Variants in KCNC4 observed in about 807,000 individuals in gnomAD.
KCNC4 encodes potassium voltage-gated channel subfamily C member 4.
Under a neutral mutation model 42.8 loss-of-function variants are expected in KCNC4, and 23 were observed. The ratio of observed to expected loss-of-function variants is 0.54; its 90% CI spans 0.39 to 0.76. KCNC4 has a LOEUF of 0.76. Among genes scored for constraint, KCNC4 ranks in the 30% least tolerant of loss-of-function variants. The probability of loss-of-function intolerance (pLI) is 0.00; values close to 1 mark genes in which losing one functional copy is unlikely to be tolerated. For synonymous variants in KCNC4, 422 were observed against 393.5 expected (o/e 1.07, Z -0.86); for missense variants, 751 against 898.2 (o/e 0.84, Z 2.10).
rs533914924 is a variant in KCNC4, at chr1:110,259,743, C to T, written n.31-22791C>T. Among the ~76,000 whole-genome samples the T allele has an allele frequency of 5.9e-5, 9 of 152,336 alleles. No homozygotes were observed. In the South Asian group the frequency reaches 1.9e-3, roughly 32 times the overall value. On this transcript the variant is annotated intron_variant and non_coding_transcript_variant, in intron 1 of 2. Coordinates refer to the KCNC4 transcript ENST00000412512. ...CTGAGGTTCTTCTTGACTTTCTTGA[C>T]AACATCTCTGGACTATCTACTTCCT...
At chr1:110,213,678 C>T (rs1657628492) in intron 1 of KCNC4, among the ~76,000 whole-genome samples, 1 of 152,234 alleles carries the variant, frequency 6.6e-6, no homozygotes, top group African/African-American at 2.4e-5. Flanking sequence ...GGTTTCTTTC[C>T]TTGCAGCCCT....
chr1:110,269,351 C>G (rs908732832), intron 1 of KCNC4, among the ~76,000 whole-genome samples: 2 of 152,200 alleles, frequency 1.3e-5, no homozygotes, highest in African/African-American at 4.8e-5. Context: ...GCCAGCTTCT[C>G]ACAACCACCA....
intron 1 of KCNC4, among the ~76,000 whole-genome samples, chr1:110,256,552 A>G (rs1436110157): frequency 2.0e-5 from 3 of 152,218 alleles, no homozygotes; most frequent in Non-Finnish European, 4.4e-5. Context: ...CAGGCAGTGG[A>G]TCAGCTAACA....
chr1:110,228,187 A>C (rs1658504475), intron 3 of KCNC4, among the ~76,000 whole-genome samples: 1 of 152,192 alleles, frequency 6.6e-6, no homozygotes, highest in Non-Finnish European at 1.5e-5. Context: ...CCTCCTCCAC[A>C]CAGGCCCATG....
At position 110,232,940 on chromosome 1, in the gene KCNC4, T is replaced by C; in HGVS notation, c.1849T>C (p.Tyr617His). ...CTGCCAAGACGCCCTCTCGTCCAACTATGCCCAGGCTGAAGTCCTCACCCT... is the reference window on the plus strand; with the variant it reads ...CTGCCAAGACGCCCTCTCGTCCAACCATGCCCAGGCTGAAGTCCTCACCCT... ...ETCQDALSSN[Y>H]AQAEVLTLS The change falls in exon 4 of 4, where the codon TAT becomes CAT. Residue 617 changes from tyrosine (Y) to histidine (H), a missense_variant. By Grantham distance (83) the Tyr-to-His change is moderately conservative (BLOSUM62 2). This residue lies in a region of KCNC4 where 202 missense variants were observed against 181.5 expected (regional missense o/e 1.11). Transcript: ENST00000438661. 1 of 1,612,144 alleles carries C rather than the reference T, an allele frequency of 6.2e-7. No individual in the cohort carries two copies. Among genetic ancestry groups the C allele is most frequent in the Admixed American group, 1.7e-5 (1 of 59,856 alleles).
chr1:110,237,647 G>A (rs139397434), downstream of KCNC4: 1 of 152,202 alleles, frequency 6.6e-6, no homozygotes, highest in African/African-American at 2.4e-5. Context: ...TCTGACTCAC[G>A]TGGCACACAC....
At chr1:110,245,060 G>A (rs534297825) in exon 4 of KCNC4, 69 of 152,296 alleles carry the variant, frequency 4.5e-4, no homozygotes, top group African/African-American at 1.5e-3. Flanking sequence ...CAATTCACTA[G>A]AGAACCTTTG....
At chr1:110,250,079 G>A (rs1659223552), downstream of KCNC4, among the ~76,000 whole-genome samples, 1 of 152,174 alleles carries the variant, frequency 6.6e-6, no homozygotes, top group Non-Finnish European at 1.5e-5. Context: ...ACAGGAATGG[G>A]TCATCACTCC....
intron 3 of KCNC4, among the ~76,000 whole-genome samples, chr1:110,229,992 G>C (rs2101036381): frequency 6.6e-6 from 1 of 152,328 alleles, no homozygotes; most frequent in East Asian, 1.9e-4. Flanking sequence ...GGCAGCGTCG[G>C]GGCTGGGCAG....
downstream of KCNC4, among the ~76,000 whole-genome samples, chr1:110,251,617 A>G (rs928911210): frequency 2.0e-5 from 3 of 152,236 alleles, no homozygotes; most frequent in African/African-American, 7.2e-5. Flanking sequence ...AAAGTGACAG[A>G]ATTTGAATCT....
intron 1 of KCNC4, among the ~76,000 whole-genome samples, chr1:110,214,915 CT>C (rs1657693987): frequency 6.6e-6 from 1 of 152,182 alleles, no homozygotes; most frequent in African/African-American, 2.4e-5. Flanking sequence ...TGGGGCTGCA[CT>C]TTCCCCCCTC....
At position 110,226,084 on chromosome 1, in the gene KCNC4, A is replaced by C; in HGVS notation, c.1725A>C (p.Arg575=). ...CCCCCGAGGAGCGCCGGGCCCTGCG[A>C]CGCTCCACCACTCGAGACAGAAACA... ...SPTPEERRAL[R]RSTTRDRNKK... is the part of the protein sequence containing the mutation. The change falls in exon 3 of 4, where the codon CGA becomes CGC. Residue 575 remains arginine, a synonymous_variant. Transcript: ENST00000438661. 1 of 1,613,848 alleles carries C rather than the reference A, an allele frequency of 6.2e-7. No individual in the cohort carries two copies. Among genetic ancestry groups the C allele is most frequent in the Non-Finnish European group, 8.5e-7 (1 of 1,179,946 alleles).
At chr1:110,268,503 G>A (rs192258653) in intron 1 of KCNC4, among the ~76,000 whole-genome samples, 98 of 151,492 alleles carry the variant, frequency 6.5e-4, no homozygotes, top group African/African-American at 2.3e-3. Context: ...CTACTCCGGA[G>A]GCTGAGGCGG....
chr1:110,250,112 CTG>C (rs544184778), downstream of KCNC4, among the ~76,000 whole-genome samples: 86 of 152,340 alleles, frequency 5.6e-4, no homozygotes, highest in African/African-American at 2.0e-3. Context: ...AAATGAAACA[CTG>C]TCTTCCATAT....
chr1:110,262,636 C>G (rs1659474658), intron 1 of KCNC4, among the ~76,000 whole-genome samples: 1 of 152,182 alleles, frequency 6.6e-6, no homozygotes, highest in Non-Finnish European at 1.5e-5. Context: ...AATTTCTTAG[C>G]AATACAGCTG....
intron 1 of KCNC4, among the ~76,000 whole-genome samples, chr1:110,212,505 A>G (rs1001477242): frequency 3.9e-5 from 6 of 152,112 alleles, no homozygotes; most frequent in Admixed American, 6.5e-5. Context: ...AGGCTGCCCT[A>G]TCTTCAGCTG....
intron 1 of KCNC4, among the ~76,000 whole-genome samples, chr1:110,275,206 A>G (rs1659696368): frequency 6.6e-6 from 1 of 152,232 alleles, no homozygotes; most frequent in Non-Finnish European, 1.5e-5. Context: ...AAGGAAATGA[A>G]TAGACATTTT....
In KCNC4 at chr1:110,223,741, C is replaced by G; in HGVS notation, c.1456C>G (p.Gln486Glu). 1 of 1,614,142 alleles carries G rather than the reference C, an allele frequency of 6.2e-7. No individual in the cohort carries two copies. The highest frequency in any genetic ancestry group is 8.5e-7 in the Non-Finnish European group (1 of 1,180,032). ...GTACTACTCCCTGGCCATGGCCAAG[C>G]AGAAGCTGCCCAAGAAACGGAAGAA... The part of the protein sequence containing the change: ...GMYYSLAMAK[Q>E]KLPKKRKKHV... The change falls in exon 2 of 4, where the codon CAG becomes GAG. Residue 486 changes from glutamine to glutamate, a missense_variant. Physicochemically the swap from Gln to Glu is conservative, Grantham distance 29 (BLOSUM62 2). This residue lies in a region of KCNC4 where 185 missense variants were observed against 293.7 expected (regional missense o/e 0.63). Coordinates refer to ENST00000438661, the MANE Select transcript of KCNC4 (RefSeq NM_001039574.3). The surrounding 1 kb of genome is among the most constrained non-coding windows in gnomAD (Gnocchi z 7.5).
chr1:110,215,130 G>T (rs755929809), intron 1 of KCNC4, among the ~76,000 whole-genome samples: 3 of 152,262 alleles, frequency 2.0e-5, no homozygotes, highest in Non-Finnish European at 2.9e-5. Context: ...TGAGTAGTGC[G>T]TTATGACAGG....
Sources: gnomAD v4.1 joint callset for allele counts (sites outside exome capture counted in the v4.1 genomes callset) on GRCh38, gnomAD v4.1.1 for gene constraint, gnomAD v4.1.1 regional missense constraint, Gnocchi (gnomAD v3.1) non-coding constraint, MANE v1.5 for transcripts, NCBI Gene and HGNC (gene_info 2026-07-23, HGNC 2026-07-21) for gene names.